Variants in GSTZ1 observed in about 807,000 individuals in gnomAD.
The protein encoded by GSTZ1 is glutathione S-transferase zeta 1, also known as maleylacetoacetate isomerase.
Under a neutral mutation model 35.9 loss-of-function variants are expected in GSTZ1, and 34 were observed. The observed-to-expected ratio is 0.95, with a 90% CI of 0.72 to 1.26. GSTZ1 has a LOEUF of 1.26. GSTZ1 is among the 50% of genes most tolerant of loss of function. The pLI, the probability that GSTZ1 is intolerant of heterozygous loss-of-function variation, is 0.00. For synonymous variants in GSTZ1, 93 were observed against 101.2 expected (o/e 0.92, Z 0.49); for missense variants, 263 against 271.7 (o/e 0.97, Z 0.23).
At position 77,321,201 on chromosome 14, in the gene GSTZ1, G is replaced by A; in HGVS notation, c.15+18G>A. 6.7e-7 allele frequency: 1 copy of A among 1,493,782 alleles called. No individual in the cohort carries two copies. The highest frequency in any genetic ancestry group is 2.5e-5 in the East Asian group (1 of 39,620). 92.5% of individuals were successfully genotyped at this position (1,493,782 alleles called of 1,614,324 possible). Reference sequence around the variant, plus strand: ...CGGGGAAGGTCTGTGACGCGCACCCGGGTGGAGGGAAGCTGGTTAGACACC... The same window carrying A: ...CGGGGAAGGTCTGTGACGCGCACCCAGGTGGAGGGAAGCTGGTTAGACACC... On this transcript the variant is annotated intron_variant, in intron 1 of 8. Transcript: ENST00000216465.
chr14:77,324,591 G>C, intron 1 of GSTZ1: 1 of 1,534,412 alleles, frequency 6.5e-7, no homozygotes, highest in African/African-American at 1.4e-5. Context: ...GAGGCTGAGG[G>C]TCACCACGAT....
At chr14:77,323,301 A>G (rs912237112) in intron 1 of GSTZ1, 1 of 152,124 alleles carries the variant, frequency 6.6e-6, no homozygotes, top group Non-Finnish European at 1.5e-5. Flanking sequence ...AAAAAAACAA[A>G]CAGGTGTTGT....
chr14:77,322,476 A>C (rs1349166888), intron 1 of GSTZ1: 1 of 419,070 alleles, frequency 2.4e-6, no homozygotes, highest in African/African-American at 2.2e-5. Flanking sequence ...GGTGTAATCC[A>C]AAGGCATTTA....
At chr14:77,321,583 T>C in intron 1 of GSTZ1, 1 of 1,190,978 alleles carries the variant, frequency 8.4e-7, no homozygotes, top group Non-Finnish European at 1.1e-6. Context: ...CAGTAATGTT[T>C]GTATTTTAAG....
chr14:77,328,998 G>A, intron 5 of GSTZ1, 125 bp from the exon 6 acceptor site: 1 of 759,960 alleles, frequency 1.3e-6, no homozygotes, highest in Non-Finnish European at 2.4e-6. Flanking sequence ...CATGGAGCCT[G>A]GGGGAGAAGG....
intron 1 of GSTZ1, among the ~76,000 whole-genome samples, chr14:77,322,288 A>T (rs1892057636): frequency 6.6e-6 from 1 of 152,220 alleles, no homozygotes; most frequent in Admixed American, 6.5e-5. Flanking sequence ...TGAGATGGAT[A>T]CTTGGGCTTA....
chr14:77,322,218 C>A (rs1892049251), intron 1 of GSTZ1, among the ~76,000 whole-genome samples: 1 of 152,124 alleles, frequency 6.6e-6, no homozygotes, highest in Non-Finnish European at 1.5e-5. Flanking sequence ...AAAATAAAAT[C>A]TGCTAAAGTA....
chr14:77,331,316 G>T lies in GSTZ1; in HGVS notation c.*121G>T, dbSNP rs933889119. 8.5e-7 allele frequency: 1 copy of T among 1,170,548 alleles called. No individual in the cohort carries two copies. Among genetic ancestry groups the T allele is most frequent in the Non-Finnish European group, 1.2e-6 (1 of 853,046 alleles). The allele number at this position is 1,170,548 out of a possible 1,614,324, so 72.5% of individuals were successfully genotyped here. A position where few individuals can be genotyped will look rare whatever the true frequency, so the allele number is the denominator to read the frequency against. On this transcript the variant is annotated 3_prime_UTR_variant, in exon 9 of 9. Coordinates refer to ENST00000216465, the MANE Select transcript of GSTZ1 (RefSeq NM_145870.3). ...AGACTCGAACTCTAGCCCTGGATCTGCCTTCCTGCTGAAACTTGTTCCACC... is the reference window on the plus strand; with the variant it reads ...AGACTCGAACTCTAGCCCTGGATCTTCCTTCCTGCTGAAACTTGTTCCACC...
rs528923983 is a variant in GSTZ1, at chr14:77,329,800, G to A, written c.467G>A (p.Gly156Glu). The A allele has an allele frequency of 3.3e-5, 54 of 1,613,372 alleles. 1 individual carries two copies. The Admixed American group carries it at 8.8e-4, about 26-fold the overall frequency. The change falls in exon 7 of 9, where the codon GGA becomes GAA. Residue 156 changes from glycine (G) to glutamate (E), a missense_variant. Gly to Glu is a moderately conservative substitution (Grantham distance 98). Transcript: ENST00000216465. ...LQSTAGIYCV[G>E]DEVTMADLCL... ...AGCACAGCGGGCATATACTGTGTAG[G>A]AGACGAGGTAAGCTGTCCCCAGACC...
intron 1 of GSTZ1, 167 bp from the exon 2 acceptor site, chr14:77,324,703 C>T: frequency 8.3e-7 from 1 of 1,207,228 alleles, no homozygotes; most frequent in Non-Finnish European, 1.2e-6. Context: ...AATTTTGGAG[C>T]CAAGGGACCT....
intron 5 of GSTZ1, chr14:77,328,758 T>G (rs930533020): frequency 8.1e-6 from 2 of 246,722 alleles, no homozygotes; most frequent in Non-Finnish European, 1.6e-5. Context: ...TCTTTCACAC[T>G]CCCTCTCCTC....
chr14:77,329,699 A>G, intron 6 of GSTZ1, 56 bp from the exon 7 acceptor site: 1 of 1,385,772 alleles, frequency 7.2e-7, no homozygotes, highest in Non-Finnish European at 1.0e-6. Flanking sequence ...AGGCCCAGAA[A>G]GCTTTGTGTC....
chr14:77,331,374 TG>T lies in GSTZ1; in HGVS notation c.*181del. On this transcript the variant is annotated 3_prime_UTR_variant, in exon 9 of 9. Transcript: ENST00000216465. ...CCTCATCTGTCACACGCATGTGGGG[TG>T]GAGTAGGGAGATGCGGGGAGCAGGG... The T allele has an allele frequency of 1.5e-6, 1 of 665,614 alleles. No homozygotes were observed. The allele number at this position is 665,614 out of a possible 1,614,324, so 41.2% of individuals were successfully genotyped here. A position where few individuals can be genotyped will look rare whatever the true frequency, so the allele number is the denominator to read the frequency against.
chr14:77,324,198 A>G (rs1242421667), intron 1 of GSTZ1: 1 of 171,932 alleles, frequency 5.8e-6, no homozygotes. Flanking sequence ...TCTGGAGTGC[A>G]GTGGTGCGAT....
chr14:77,323,685 A>G (rs1270621560), intron 1 of GSTZ1: 2 of 152,258 alleles, frequency 1.3e-5, no homozygotes, highest in African/African-American at 4.8e-5. Context: ...GAAACATTTT[A>G]AACTACTGTG....
At position 77,326,851 on chromosome 14, in the gene GSTZ1, A is replaced by C. The variant is rs775292558; in HGVS notation, c.81A>C (p.Lys27Asn). 1 of 1,606,514 alleles carries C rather than the reference A, an allele frequency of 6.2e-7. No homozygotes were observed. Among genetic ancestry groups the C allele is most frequent in the Non-Finnish European group, 8.5e-7 (1 of 1,175,674 alleles). ...GGTCTCTCCTAGCTCTGGCCTTGAA[A>C]GGCATCGACTACGAGACGGTGCCCA... ...SWRVRIALAL[K>N]GIDYETVPIN... Residue 27 changes from lysine (K) to asparagine (N), a missense_variant, in exon 3 of 9, where the codon AAA becomes AAC. Physicochemically the swap from Lys to Asn is moderately conservative, Grantham distance 94. Coordinates refer to ENST00000216465, the MANE Select transcript of GSTZ1 (RefSeq NM_145870.3).
intron 5 of GSTZ1, 94 bp downstream of exon 5, chr14:77,328,131 C>A: frequency 2.1e-5 from 25 of 1,215,334 alleles, no homozygotes; most frequent in East Asian, 7.6e-5. Context: ...GCGGGGGTGT[C>A]AAGGGAGGGA....
chr14:77,321,451 GCCCTCCCTGCTCCCCATAACAGAC>G lies in GSTZ1; in HGVS notation c.15+277_15+300del, dbSNP rs1472298317. 7 of 1,516,550 alleles carry G rather than the reference GCCCTCCCTGCTCCCCATAACAGAC, an allele frequency of 4.6e-6. No homozygotes were observed. The African/African-American group carries it at 8.2e-5, about 18-fold the overall frequency. 93.9% of individuals were successfully genotyped at this position (1,516,550 alleles called of 1,614,324 possible). A position where few individuals can be genotyped will look rare whatever the true frequency, so the allele number is the denominator to read the frequency against. On this transcript the variant is annotated intron_variant, in intron 1 of 8. Coordinates refer to ENST00000216465, the MANE Select transcript of GSTZ1 (RefSeq NM_145870.3). Reference sequence around the variant, plus strand: ...TCCGGTCGCGCTTCACTTCTGCTCCGCCCTCCCTGCTCCCCATAACAGACCCCTCCCTCCACTAAGGCTTCCAAA... The same window carrying G: ...TCCGGTCGCGCTTCACTTCTGCTCCGCCCTCCCTCCACTAAGGCTTCCAAA...
chr14:77,321,084 G>T lies in GSTZ1; in HGVS notation c.-85G>T, dbSNP rs1330982563. ...CGGACGAAAGACACGGGCCTGATTCGTCGAGTCTCACTGAGCCTTAGTCGT... is the reference window on the plus strand; with the variant it reads ...CGGACGAAAGACACGGGCCTGATTCTTCGAGTCTCACTGAGCCTTAGTCGT... On this transcript the variant is annotated 5_prime_UTR_variant, in exon 1 of 9. Coordinates refer to ENST00000216465, the MANE Select transcript of GSTZ1 (RefSeq NM_145870.3). 6 of 1,323,758 alleles carry T rather than the reference G, an allele frequency of 4.5e-6. No homozygotes were observed. The highest frequency in any genetic ancestry group is 2.7e-5 in the East Asian group (1 of 37,664). The allele number at this position is 1,323,758 out of a possible 1,614,324, so 82.0% of individuals were successfully genotyped here. A position where few individuals can be genotyped will look rare whatever the true frequency, so the allele number is the denominator to read the frequency against.
Sources: allele counts gnomAD v4.1 joint callset (sites outside exome capture counted in the v4.1 genomes callset), GRCh38; gene constraint gnomAD v4.1.1; transcripts MANE v1.5; gene names NCBI Gene and HGNC (gene_info 2026-07-23, HGNC 2026-07-21).